NRXN1: variants seen among roughly 807,000 people sequenced by gnomAD.
The protein encoded by NRXN1 is neurexin-1.
In NRXN1, 39 loss-of-function variants were observed where a neutral mutation model predicts 150.9. That is an observed-to-expected ratio of 0.26 (90% CI 0.20 to 0.34). The LOEUF (loss-of-function observed/expected upper bound fraction) is 0.34. Among genes scored for constraint, NRXN1 ranks in the 10% least tolerant of loss-of-function variants. NRXN1 has a pLI of 1.00. For synonymous variants in NRXN1, 924 were observed against 757.0 expected (o/e 1.22, Z -3.62); for missense variants, 1,815 against 1,949.9 (o/e 0.93, Z 1.30).
intron 17 of NRXN1, among the ~76,000 whole-genome samples, chr2:50,439,487 G>A (rs1443933711): frequency 6.6e-6 from 1 of 152,070 alleles, no homozygotes; most frequent in African/African-American, 2.4e-5. Context: ...GATATACAAA[G>A]CAATTGGAAA....
At chr2:50,074,366 T>C (rs941869870) in intron 19 of NRXN1, among the ~76,000 whole-genome samples, 24 of 152,090 alleles carry the variant, frequency 1.6e-4, no homozygotes, top group African/African-American at 4.8e-4. Flanking sequence ...ACAAGATTTA[T>C]GGAAAAAGGT....
At position 50,062,297 on chromosome 2, in the gene NRXN1, C is replaced by T. The variant is rs569919707; in HGVS notation, c.3719-7253G>A. Among the ~76,000 whole-genome samples the T allele has an allele frequency of 3.3e-5, 5 of 151,802 alleles. No homozygotes were observed. The East Asian group carries it at 9.8e-4, about 30-fold the overall frequency. Reference sequence around the variant, plus strand: ...GAGCTCTCATTAATGGGATTAGTGCCCTTATAAAAGAGGCTCCAGAAAACT... The same window carrying T: ...GAGCTCTCATTAATGGGATTAGTGCTCTTATAAAAGAGGCTCCAGAAAACT... On this transcript the variant is annotated intron_variant, in intron 19 of 22. Transcript: ENST00000401669.
At chr2:50,269,759 A>G (rs1342946472) in intron 17 of NRXN1, among the ~76,000 whole-genome samples, 2 of 152,192 alleles carry the variant, frequency 1.3e-5, no homozygotes, top group African/African-American at 2.4e-5. Context: ...TTGTGTTACA[A>G]AAAAACAACT....
At chr2:50,447,100 T>A (rs1189763325) in intron 17 of NRXN1, among the ~76,000 whole-genome samples, 1 of 152,056 alleles carries the variant, frequency 6.6e-6, no homozygotes, top group Non-Finnish European at 1.5e-5. Context: ...AAATATCAGA[T>A]TGCATTCTGA....
At chr2:50,721,750 A>G (rs1157201797) in intron 5 of NRXN1, among the ~76,000 whole-genome samples, 4 of 152,156 alleles carry the variant, frequency 2.6e-5, no homozygotes, top group Admixed American at 2.0e-4. Context: ...TTTACTTCAT[A>G]AAACCCAATT....
intron 5 of NRXN1, among the ~76,000 whole-genome samples, chr2:50,843,556 T>C (rs1165525222): frequency 6.6e-6 from 1 of 152,224 alleles, no homozygotes; most frequent in Non-Finnish European, 1.5e-5. Flanking sequence ...ACTTGCCATT[T>C]CATTTCACTT....
rs777792673 is a variant in NRXN1 at position 50,657,795 on chromosome 2, A to G, written c.833-34180T>C. ...TTTAAATCACAAGGATAATCTGTTG[A>G]CCCTTACAACAGCTCTGAGCTGTTA... On this transcript the variant is annotated intron_variant, in intron 5 of 22. Transcript: ENST00000401669. Among the ~76,000 whole-genome samples the G allele has an allele frequency of 2.0e-5, 3 of 152,112 alleles. 1 individual carries two copies. The highest frequency in any genetic ancestry group is 3.4e-3 in the Middle Eastern group (1 of 294).
intron 19 of NRXN1, among the ~76,000 whole-genome samples, chr2:50,070,817 C>CT (rs1696175884): frequency 6.8e-6 from 1 of 147,936 alleles, no homozygotes; most frequent in Non-Finnish European, 1.5e-5. Flanking sequence ...GTAACTCAGA[C>CT]TAAGTAGAGA....
chr2:50,620,303 CTTTT>C (rs3832122), intron 7 of NRXN1, 120 bp from the exon 8 acceptor site: 1 of 1,161,628 alleles, frequency 8.6e-7, no homozygotes, highest in Non-Finnish European at 1.2e-6. Context: ...TTGCTTTTTT[CTTTT>C]TTTCTGTTTG....
rs557395291 is a variant in NRXN1 at position 50,271,761 on chromosome 2, A to C, written c.3365-34791T>G. Among the ~76,000 whole-genome samples the C allele has an allele frequency of 3.9e-5, 6 of 152,270 alleles. No homozygotes were observed. In the South Asian group the frequency reaches 8.3e-4, roughly 21 times the overall value. ...TGACTGGCATTGCTAAAAAATGTAA[A>C]CTTGCCTATTTTGGTGAATAACAGT... On this transcript the variant is annotated intron_variant, in intron 17 of 22. Coordinates refer to ENST00000401669, the MANE Select transcript of NRXN1 (RefSeq NM_001330078.2).
intron 12 of NRXN1, among the ~76,000 whole-genome samples, chr2:50,515,374 A>G (rs1454766532): frequency 2.0e-5 from 3 of 152,202 alleles, no homozygotes; most frequent in Admixed American, 2.0e-4. Flanking sequence ...AGTAATAGAA[A>G]TAAGGTGGAT....
intron 17 of NRXN1, among the ~76,000 whole-genome samples, chr2:50,359,827 G>T (rs1480839435): frequency 6.6e-6 from 1 of 152,124 alleles, no homozygotes; most frequent in East Asian, 1.9e-4. Flanking sequence ...AGGTTGAAAT[G>T]AAGGAAAAAA....
At chr2:50,548,073 T>C (rs1330911492) in intron 9 of NRXN1, 1 of 152,150 alleles carries the variant, frequency 6.6e-6, no homozygotes, top group African/African-American at 2.4e-5. Context: ...TTCAGTGAAC[T>C]AAAGACCAAA....
intron 5 of NRXN1, among the ~76,000 whole-genome samples, chr2:50,862,509 A>C (rs182794387): frequency 1.5e-4 from 23 of 152,130 alleles, no homozygotes; most frequent in Admixed American, 1.5e-3. Flanking sequence ...AGGTCAACTC[A>C]TGTGTAGGAA....
intron 17 of NRXN1, among the ~76,000 whole-genome samples, chr2:50,245,243 C>T (rs1574707074): frequency 6.6e-6 from 1 of 151,896 alleles, no homozygotes; most frequent in Non-Finnish European, 1.5e-5. Flanking sequence ...GCTCTTGGTC[C>T]AGGTTACCTG....
chr2:51,027,402 C>T (rs2105325384), intron 2 of NRXN1, 100 bp downstream of exon 2: 1 of 1,260,360 alleles, frequency 7.9e-7, no homozygotes, highest in Non-Finnish European at 1.0e-6. Flanking sequence ...AACTGCCACA[C>T]GTTTGCCAAG....
At chr2:50,872,325 G>A (rs1232179373) in intron 5 of NRXN1, among the ~76,000 whole-genome samples, 4 of 151,780 alleles carry the variant, frequency 2.6e-5, no homozygotes, top group Admixed American at 1.3e-4. Flanking sequence ...CTACACAAGG[G>A]CCCATCCATC....
At chr2:50,521,570 C>G (rs1312130412) in intron 12 of NRXN1, among the ~76,000 whole-genome samples, 1 of 152,176 alleles carries the variant, frequency 6.6e-6, no homozygotes. Flanking sequence ...TCTGAGCACA[C>G]AAAACATTTC....
chr2:50,640,551 C>T (rs1683927043), intron 5 of NRXN1, among the ~76,000 whole-genome samples: 3 of 152,120 alleles, frequency 2.0e-5, no homozygotes, highest in Non-Finnish European at 4.4e-5. Flanking sequence ...CCTTTGTAAG[C>T]ATCTGATTTT....
Sources: gnomAD v4.1 joint callset for allele counts (sites outside exome capture counted in the v4.1 genomes callset) on GRCh38, gnomAD v4.1.1 for gene constraint, MANE v1.5 for transcripts, NCBI Gene and HGNC (gene_info 2026-07-23, HGNC 2026-07-21) for gene names.